SLC4A5: variants seen among roughly 807,000 people sequenced by gnomAD.
The protein encoded by SLC4A5 is solute carrier family 4 member 5.
A neutral mutation model predicts 120.4 loss-of-function variants in SLC4A5; 96 were observed. The observed-to-expected ratio is 0.80, with a 90% confidence interval of 0.68 to 0.94. The LOEUF (loss-of-function observed/expected upper bound fraction) is 0.94. SLC4A5 is among the 40% of genes least tolerant of loss of function. The pLI is 0.00. For missense variants in SLC4A5, 1,259 were observed against 1,459.5 expected (o/e 0.86, Z 2.24); for synonymous variants, 550 against 571.1 (o/e 0.96, Z 0.53).
At chr2:74,235,038 G>A (rs1233336219) in intron 22 of SLC4A5, 63 bp downstream of exon 22, 2 of 1,304,002 alleles carry the variant, frequency 1.5e-6, no homozygotes, top group Non-Finnish European at 2.2e-6. Flanking sequence ...AGCACAGAGG[G>A]GAAAGAATCT....
intron 17 of SLC4A5, among the ~76,000 whole-genome samples, chr2:74,249,662 G>A (rs887545549): frequency 3.0e-4 from 46 of 152,188 alleles, no homozygotes; most frequent in African/African-American, 1.1e-3. Flanking sequence ...GGGAAGGGCA[G>A]GGAGCAGCAC....
At chr2:74,233,636 G>A (rs933142615) in intron 22 of SLC4A5, 73 bp from the exon 23 acceptor site, 7 of 1,475,638 alleles carry the variant, frequency 4.7e-6, no homozygotes, top group Non-Finnish European at 5.4e-6. Context: ...CTGGCCTGCT[G>A]TCCCACCTCC....
intron 8 of SLC4A5, among the ~76,000 whole-genome samples, chr2:74,267,357 C>A (rs749739218): frequency 6.6e-6 from 1 of 152,062 alleles, no homozygotes; most frequent in African/African-American, 2.4e-5. Flanking sequence ...CAAGGACGCT[C>A]GATGAAGCTT....
intron 7 of SLC4A5, among the ~76,000 whole-genome samples, chr2:74,288,877 C>A (rs944964088): frequency 1.3e-5 from 2 of 152,212 alleles, no homozygotes; most frequent in Admixed American, 6.5e-5. Flanking sequence ...ATTAATAGCA[C>A]CTCTAGCCAC....
chr2:74,271,035 G>A (rs933466904), intron 8 of SLC4A5, among the ~76,000 whole-genome samples: 4 of 152,164 alleles, frequency 2.6e-5, no homozygotes, highest in Non-Finnish European at 5.9e-5. Flanking sequence ...CTACACCAGT[G>A]TGCCTCAAAC....
chr2:74,316,650 A>T (rs995925933), intron 5 of SLC4A5, among the ~76,000 whole-genome samples: 1 of 152,238 alleles, frequency 6.6e-6, no homozygotes, highest in Non-Finnish European at 1.5e-5. Flanking sequence ...ACACTTGAAG[A>T]ATAAACTGTG....
intron 6 of SLC4A5, among the ~76,000 whole-genome samples, chr2:74,310,044 G>A (rs184962388): frequency 9.4e-4 from 143 of 152,052 alleles, no homozygotes; most frequent in African/African-American, 3.3e-3. Flanking sequence ...TATACATTTT[G>A]TTAGATTTAT....
intron 12 of SLC4A5, among the ~76,000 whole-genome samples, chr2:74,258,923 T>C (rs1671051235): frequency 6.6e-6 from 1 of 152,178 alleles, no homozygotes; most frequent in African/African-American, 2.4e-5. Flanking sequence ...CAGGTTTCCT[T>C]TGTCATCTTT....
At chr2:74,334,000 G>T (rs1027351092) in intron 4 of SLC4A5, 27 bp downstream of exon 4, 1 of 152,206 alleles carries the variant, frequency 6.6e-6, no homozygotes, top group African/African-American at 2.4e-5. Context: ...CCCACAAGAA[G>T]TTCCCCACAG....
chr2:74,227,234 G>A, intron 26 of SLC4A5, 104 bp from the exon 27 acceptor site: 2 of 1,325,140 alleles, frequency 1.5e-6, no homozygotes, highest in East Asian at 2.5e-5. Context: ...GAGAGGGGAA[G>A]CCCCCTGCTC....
Position 74,231,220 on chromosome 2 carries a change from C to G in SLC4A5, c.2847+16G>C. ...TCTCAGGCAACGAGGCCCTAGGTGACAGTGCAGGACCTCACCTTTAGGATG... is the reference window on the plus strand; with the variant it reads ...TCTCAGGCAACGAGGCCCTAGGTGAGAGTGCAGGACCTCACCTTTAGGATG... On this transcript the variant is annotated intron_variant, in intron 25 of 30. Transcript: ENST00000394019. 6.3e-7 allele frequency: 1 copy of G among 1,599,744 alleles called. No individual in the cohort carries two copies. Among genetic ancestry groups the G allele is most frequent in the Non-Finnish European group, 8.5e-7 (1 of 1,171,996 alleles).
chr2:74,253,200 T>C (rs1670849924), intron 14 of SLC4A5, 72 bp from the exon 15 acceptor site: 2 of 1,566,798 alleles, frequency 1.3e-6, no homozygotes, highest in Non-Finnish European at 1.7e-6. Flanking sequence ...ATATCACATC[T>C]AGTTTTTAAA....
chr2:74,314,804 C>A, intron 6 of SLC4A5, 141 bp downstream of exon 6: 1 of 735,374 alleles, frequency 1.4e-6, no homozygotes, highest in Non-Finnish European at 2.3e-6. Context: ...CTGGTCCCAC[C>A]AGCCTCAAGG....
At position 74,219,457 on chromosome 2, in the gene SLC4A5, G is replaced by A. The variant is rs529011038; in HGVS notation, c.*34-665C>T. On this transcript the variant is annotated intron_variant, in intron 30 of 30. Coordinates refer to ENST00000394019, the Ensembl canonical transcript of SLC4A5. The stretch of plus-strand genomic sequence containing the variant: ...GCATCGCACCTGGTAGATCATTGAT[G>A]CTTAGTCTTTGTTAAACCAGATCAT... 1.2e-4 allele frequency among the ~76,000 whole-genome samples: 19 copies of A among 152,218 alleles called. No homozygotes were observed. The South Asian group carries it at 3.9e-3, about 32-fold the overall frequency.
chr2:74,300,000 T>C (rs553027849), intron 7 of SLC4A5, among the ~76,000 whole-genome samples: 1 of 152,100 alleles, frequency 6.6e-6, no homozygotes, highest in Non-Finnish European at 1.5e-5. Context: ...ATAAAGAAAA[T>C]GTGGCATATA....
chr2:74,339,813 T>C (rs966832166), intron 2 of SLC4A5: 2 of 152,204 alleles, frequency 1.3e-5, no homozygotes, highest in Admixed American at 1.3e-4. Flanking sequence ...CATCAACAGA[T>C]GGATAAATAA....
At chr2:74,240,652 C>T (rs1160630228) in intron 20 of SLC4A5, among the ~76,000 whole-genome samples, 4 of 151,928 alleles carry the variant, frequency 2.6e-5, no homozygotes, top group Non-Finnish European at 5.9e-5. Flanking sequence ...GCCTGTAGTC[C>T]CAGCTACTCG....
At chr2:74,232,624 G>C (rs760483846) in exon 24 of SLC4A5, 2 of 1,613,422 alleles carry the variant, frequency 1.2e-6, no homozygotes, top group Non-Finnish European at 1.7e-6. Flanking sequence ...CCCAGAACAG[G>C]TCCAGATGGT....
At chr2:74,291,961 T>A (rs1202022359) in intron 7 of SLC4A5, among the ~76,000 whole-genome samples, 1 of 151,888 alleles carries the variant, frequency 6.6e-6, no homozygotes, top group African/African-American at 2.4e-5. Context: ...TGGCCAAGGA[T>A]CCCAAAAAGA....
Sources: gnomAD v4.1 joint callset for allele counts (sites outside exome capture counted in the v4.1 genomes callset) on GRCh38, gnomAD v4.1.1 for gene constraint, MANE v1.5 for transcripts, NCBI Gene and HGNC (gene_info 2026-07-23, HGNC 2026-07-21) for gene names.